Variants in FNTB observed in about 807,000 individuals in gnomAD.
FNTB encodes the protein protein farnesyltransferase subunit beta.
Under a neutral mutation model 59.4 loss-of-function variants are expected in FNTB, and 27 were observed. The ratio of observed to expected loss-of-function variants is 0.45; its 90% confidence interval spans 0.34 to 0.63. FNTB has a LOEUF of 0.63. Ranked by LOEUF, FNTB falls within the 20% of genes least tolerant of loss-of-function variation. The pLI is 0.02. For synonymous variants in FNTB, 230 were observed against 220.7 expected, an observed-to-expected ratio of 1.04 and a Z score of -0.37; for missense variants, 449 against 559.6, an observed-to-expected ratio of 0.80 and a Z score of 1.99.
chr14:64,994,884 ATAAAT>A lies in FNTB; in HGVS notation c.144+7792_144+7796del, dbSNP rs1412819490. Among the ~76,000 whole-genome samples, 2 of 152,218 alleles carry A rather than the reference ATAAAT, an allele frequency of 1.3e-5. No individual in the cohort carries two copies. Among genetic ancestry groups the A allele is most frequent in the South Asian group, 2.1e-4 (1 of 4,832 alleles). ...ATTCATACGCTTTTTTCTTTCAATA[ATAAAT>A]TAAACCTAGCTTACTGTAAATTATT... is the stretch of plus-strand genomic sequence containing the variant. On this transcript the variant is annotated intron_variant, in intron 1 of 11. Coordinates refer to ENST00000246166, the MANE Select transcript of FNTB (RefSeq NM_002028.4). The surrounding 1 kb of genome is among the most constrained non-coding windows in gnomAD (Gnocchi z 4.2).
At chr14:65,013,326 T>C (rs527793897) in intron 3 of FNTB, among the ~76,000 whole-genome samples, 3 of 29,796 alleles carry the variant, frequency 1.0e-4, no homozygotes, top group African/African-American at 2.5e-4. Context: ...CTTTGTTTCC[T>C]TTTTTTTTTT....
Position 65,032,575 on chromosome 14 carries a change from A to C in FNTB, c.606-35A>C. 2.7e-4 allele frequency: 437 copies of C among 1,595,066 alleles called. No homozygotes were observed. The highest frequency in any genetic ancestry group is 3.3e-4 in the Non-Finnish European group (389 of 1,165,784). On this transcript the variant is annotated intron_variant, in intron 6 of 11. Transcript: ENST00000246166. This position sits in a 1 kb window ranked among gnomAD's most constrained non-coding sequence, Gnocchi z 5.0. ...CACTGAGCCTCATTAGCTCTTCCGT[A>C]GAGCTTAATGTGTTTCCCGTTTCTG...
rs556605289 is a variant in FNTB, at chr14:65,028,917, T to C, written c.605+1136T>C. Among the ~76,000 whole-genome samples, 63 of 152,316 alleles carry C rather than the reference T, an allele frequency of 4.1e-4. No homozygotes were observed. Among genetic ancestry groups the C allele is most frequent in the Non-Finnish European group, 7.8e-4 (53 of 68,028 alleles). ...AGCTTTTAAAAACCTACTAAGATTA[T>C]TAGGCAAAAGCAAACAAATCATAGC... is the stretch of plus-strand genomic sequence containing the variant. On this transcript the variant is annotated intron_variant, in intron 6 of 11. Transcript: ENST00000246166. This position sits in a 1 kb window ranked among gnomAD's most constrained non-coding sequence, Gnocchi z 4.4.
At chr14:65,053,697 C>G (rs1047230518) in intron 10 of FNTB, among the ~76,000 whole-genome samples, 1 of 151,356 alleles carries the variant, frequency 6.6e-6, no homozygotes, top group Non-Finnish European at 1.5e-5. Context: ...GTGTTGTAAA[C>G]AGAGACTGTA....
chr14:65,013,143 A>T (rs1471257191), intron 3 of FNTB, among the ~76,000 whole-genome samples: 1 of 151,996 alleles, frequency 6.6e-6, no homozygotes, highest in Non-Finnish European at 1.5e-5. Flanking sequence ...TCCACATTTG[A>T]TTATTTGTGG....
chr14:65,049,358 T>C (rs1040820165), intron 9 of FNTB, among the ~76,000 whole-genome samples: 22 of 152,180 alleles, frequency 1.4e-4, no homozygotes, highest in African/African-American at 4.8e-4. Context: ...GGAAAGACTT[T>C]TGATTTTTTT....
chr14:64,994,455 G>C lies in FNTB; in HGVS notation c.144+7358G>C, dbSNP rs149588477. 2.6e-4 allele frequency among the ~76,000 whole-genome samples: 40 copies of C among 152,264 alleles called. No individual in the cohort carries two copies. Among genetic ancestry groups the C allele is most frequent in the Middle Eastern group, 3.4e-3 (1 of 294 alleles). On this transcript the variant is annotated intron_variant, in intron 1 of 11. Coordinates refer to ENST00000246166, the MANE Select transcript of FNTB (RefSeq NM_002028.4). The surrounding 1 kb of genome is among the most constrained non-coding windows in gnomAD (Gnocchi z 4.2). Reference sequence around the variant, plus strand: ...ATAGAGTGTACTTAACACAAATGTAGATGGCATAGCCTACTACACACCTAG... The same window carrying C: ...ATAGAGTGTACTTAACACAAATGTACATGGCATAGCCTACTACACACCTAG...
At chr14:65,013,073 C>A (rs563560759) in intron 3 of FNTB, among the ~76,000 whole-genome samples, 30 of 152,300 alleles carry the variant, frequency 2.0e-4, no homozygotes, top group African/African-American at 6.7e-4. Context: ...AGTCTCCAGT[C>A]TTTCTGCCCT....
At chr14:65,058,836 A>G (rs2062800428) in intron 11 of FNTB, among the ~76,000 whole-genome samples, 1 of 152,170 alleles carries the variant, frequency 6.6e-6, no homozygotes, top group Non-Finnish European at 1.5e-5. Flanking sequence ...TGTTTTGTTC[A>G]GTATACTGCT....
chr14:65,057,219 A>C (rs1303367951), intron 11 of FNTB, among the ~76,000 whole-genome samples: 1 of 152,190 alleles, frequency 6.6e-6, no homozygotes, highest in African/African-American at 2.4e-5. Context: ...GTGGGGACAA[A>C]TAAACCACAT....
chr14:65,041,054 G>A (rs1252416985), intron 8 of FNTB, 135 bp downstream of exon 8: 1 of 1,400,674 alleles, frequency 7.1e-7, no homozygotes, highest in Non-Finnish European at 9.5e-7. Context: ...CACAGAGGAA[G>A]GAGTGAGCAG....
In FNTB at chr14:65,018,745, C is replaced by T. The variant is rs910322697; in HGVS notation, c.374+3029C>T. Among the ~76,000 whole-genome samples, 11 of 144,922 alleles carry T rather than the reference C, an allele frequency of 7.6e-5. No individual in the cohort carries two copies. The South Asian group carries it at 8.8e-4, about 12-fold the overall frequency. ...GAATTGCTTGAATCTGGGAGGTGGA[C>T]GTTGCGACGAGCCAAGATCATGCCA... On this transcript the variant is annotated intron_variant, in intron 4 of 11. Coordinates refer to ENST00000246166, the MANE Select transcript of FNTB (RefSeq NM_002028.4).
At position 65,032,319 on chromosome 14, in the gene FNTB, T is replaced by G. The variant is rs1595060860; in HGVS notation, c.606-291T>G. The G allele has an allele frequency of 3.7e-6, 1 of 270,704 alleles. No homozygotes were observed. Among genetic ancestry groups the G allele is most frequent in the Non-Finnish European group, 6.9e-6 (1 of 144,240 alleles). 16.8% of individuals were successfully genotyped at this position (270,704 alleles called of 1,614,324 possible). A position where few individuals can be genotyped will look rare whatever the true frequency, so the allele number is the denominator to read the frequency against. On this transcript the variant is annotated intron_variant, in intron 6 of 11. Transcript: ENST00000246166. This position sits in a 1 kb window ranked among gnomAD's most constrained non-coding sequence, Gnocchi z 5.0. ...TTTGAAAGAAGAGCTGAATCCACTT[T>G]TGACATGAATTGATATGGCTGTTAT...
chr14:65,018,988 T>C (rs975718263), intron 4 of FNTB, among the ~76,000 whole-genome samples: 2 of 151,946 alleles, frequency 1.3e-5, no homozygotes, highest in African/African-American at 4.8e-5. Flanking sequence ...CGCATGCCTG[T>C]AATCCTACTC....
intron 2 of FNTB, among the ~76,000 whole-genome samples, chr14:65,010,720 TAGTC>T (rs1440474292): frequency 6.6e-6 from 1 of 152,224 alleles, no homozygotes; most frequent in Non-Finnish European, 1.5e-5. Context: ...AGAAATGCCT[TAGTC>T]AGCATCCCAG....
At chr14:64,987,167 C>T in intron 1 of FNTB, 70 bp downstream of exon 1, 3 of 1,570,972 alleles carry the variant, frequency 1.9e-6, no homozygotes, top group Non-Finnish European at 1.7e-6. Flanking sequence ...TTCGTAGGGC[C>T]GCCCGGGTGC....
At chr14:65,040,357 AAG>A (rs1391406531) in intron 7 of FNTB, among the ~76,000 whole-genome samples, 3 of 150,694 alleles carry the variant, frequency 2.0e-5, no homozygotes, top group African/African-American at 7.3e-5. Flanking sequence ...CTTTTTCCCA[AAG>A]AGTAATAATT....
Position 65,047,402 on chromosome 14 carries a change from G to T in FNTB, c.955+2959G>T, listed in dbSNP as rs982788692. Among the ~76,000 whole-genome samples the T allele has an allele frequency of 2.0e-5, 3 of 152,210 alleles. No individual in the cohort carries two copies. The highest frequency in any genetic ancestry group is 7.2e-5 in the African/African-American group (3 of 41,454). On this transcript the variant is annotated intron_variant, in intron 9 of 11. Coordinates refer to ENST00000246166, the MANE Select transcript of FNTB (RefSeq NM_002028.4). The surrounding 1 kb of genome is among the most constrained non-coding windows in gnomAD (Gnocchi z 5.2). ...CCTGCCCTGCTCATAACCACAGTAG[G>T]TGGCCATTAATCCAACGAAAAATTG...
chr14:65,057,858 T>C (rs555521330), intron 11 of FNTB, among the ~76,000 whole-genome samples: 1 of 152,304 alleles, frequency 6.6e-6, no homozygotes, highest in African/African-American at 2.4e-5. Context: ...CCCTCAAGTT[T>C]CCATACATGA....
Sources: gnomAD v4.1 joint callset for allele counts (sites outside exome capture counted in the v4.1 genomes callset) on GRCh38, gnomAD v4.1.1 for gene constraint, Gnocchi (gnomAD v3.1) non-coding constraint, MANE v1.5 for transcripts, NCBI Gene and HGNC (gene_info 2026-07-23, HGNC 2026-07-21) for gene names.